Variants in ZFP57 observed in about 807,000 individuals in gnomAD.
ZFP57 encodes ZFP57 zinc finger protein.
A neutral mutation model predicts 15.8 loss-of-function variants in ZFP57; 12 were observed. The ratio of observed to expected loss-of-function variants is 0.76; its 90% CI spans 0.49 to 1.23. ZFP57 has a LOEUF of 1.23. Among genes scored for constraint, ZFP57 ranks in the 50% most tolerant of loss-of-function variants. The pLI is 0.00. For missense variants in ZFP57, 536 were observed against 654.9 expected (o/e 0.82, Z 1.98); for synonymous variants, 203 against 242.3 (o/e 0.84, Z 1.51).
In ZFP57 at chr6:29,677,229, G is replaced by C; in HGVS notation, c.-226C>G. 1.6e-6 allele frequency: 1 copy of C among 622,306 alleles called. No individual in the cohort carries two copies. Among genetic ancestry groups the C allele is most frequent in the Non-Finnish European group, 2.8e-6 (1 of 358,328 alleles). The allele number at this position is 622,306 out of a possible 1,614,324, so 38.5% of individuals were successfully genotyped here. On this transcript the variant is annotated 5_prime_UTR_variant, in exon 2 of 5. Coordinates refer to ENST00000376883, the MANE Select transcript of ZFP57 (RefSeq NM_001109809.5). The stretch of plus-strand genomic sequence containing the variant: ...CCAAATTCTCCTCTTCCACAATTGA[G>C]AACAATTTTGCTTCCCTCAAAGCTG...
intron 1 of ZFP57, among the ~76,000 whole-genome samples, chr6:29,678,805 G>A (rs769878512): frequency 6.6e-6 from 1 of 152,142 alleles, no homozygotes; most frequent in Non-Finnish European, 1.5e-5. Context: ...GGTGGGGCGC[G>A]GTGGATCACT....
chr6:29,676,859 C>T (rs1257318395), intron 2 of ZFP57, 22 bp downstream of exon 2: 40 of 1,613,870 alleles, frequency 2.5e-5, no homozygotes, highest in Non-Finnish European at 3.3e-5. Flanking sequence ...GACCCCACCT[C>T]TCTCTAGCTT....
intron 2 of ZFP57, among the ~76,000 whole-genome samples, chr6:29,676,334 G>A (rs1310307569): frequency 6.6e-6 from 1 of 151,912 alleles, no homozygotes; most frequent in Non-Finnish European, 1.5e-5. Context: ...TCGGGAGTTC[G>A]AGACCAGCCT....
chr6:29,677,114 G>A lies in ZFP57; in HGVS notation c.-111C>T. Reference sequence around the variant, plus strand: ...ACCTCCCAGTAACTGGGCAGATGGAGAGGCCCAGCAAAGGCCCCAGGGTTT... The same window carrying A: ...ACCTCCCAGTAACTGGGCAGATGGAAAGGCCCAGCAAAGGCCCCAGGGTTT... On this transcript the variant is annotated 5_prime_UTR_variant, in exon 2 of 5. Coordinates refer to ENST00000376883, the MANE Select transcript of ZFP57 (RefSeq NM_001109809.5). 1 of 1,522,804 alleles carries A rather than the reference G, an allele frequency of 6.6e-7. No homozygotes were observed. The highest frequency in any genetic ancestry group is 1.1e-5 in the South Asian group (1 of 89,164). The allele number at this position is 1,522,804 out of a possible 1,614,324, so 94.3% of individuals were successfully genotyped here. A position where few individuals can be genotyped will look rare whatever the true frequency, so the allele number is the denominator to read the frequency against.
rs778620158 is a variant in ZFP57 at position 29,673,185 on chromosome 6, G to A, written c.926C>T (p.Ala309Val). The part of the protein sequence containing the change: ...GTQAEFQTPI[A>V]RSQRSIQGLL... The stretch of plus-strand genomic sequence containing the variant: ...CCCCTGGATGGACCTCTGGCTTCTG[G>A]CGATGGGTGTCTGGAATTCAGCCTG... The change falls in exon 5 of 5, where the codon GCC becomes GTC. Residue 309 changes from alanine (A) to valine (V), a missense_variant. By Grantham distance (64) the Ala-to-Val change is moderately conservative. Transcript: ENST00000376883. This position sits in a 1 kb window ranked among gnomAD's most constrained non-coding sequence, Gnocchi z 4.7. 14 of 1,612,830 alleles carry A rather than the reference G, an allele frequency of 8.7e-6. No individual in the cohort carries two copies. Among genetic ancestry groups the A allele is most frequent in the Non-Finnish European group, 1.2e-5 (14 of 1,180,010 alleles).
At chr6:29,680,609 A>C (rs1772293138) in intron 1 of ZFP57, among the ~76,000 whole-genome samples, 1 of 152,034 alleles carries the variant, frequency 6.6e-6, no homozygotes, top group Non-Finnish European at 1.5e-5. Flanking sequence ...CTCCGCGCTT[A>C]GTTTGTCATT....
In ZFP57 at chr6:29,673,052, A is replaced by G. The variant is rs1771797336; in HGVS notation, c.1059T>C (p.Pro353=). The change falls in exon 5 of 5, where the codon CCT becomes CCC. Residue 353 remains proline (P), a synonymous_variant. Transcript: ENST00000376883. This position sits in a 1 kb window ranked among gnomAD's most constrained non-coding sequence, Gnocchi z 4.7. ...NQASVLKNQA[P]VTRTQAPITG... ...TGATGGGTGCCTGGGTCCTGGTCACAGGTGCTTGGTTCTTAAGTACAGATG... is the reference window on the plus strand; with the variant it reads ...TGATGGGTGCCTGGGTCCTGGTCACGGGTGCTTGGTTCTTAAGTACAGATG... 6.2e-7 allele frequency: 1 copy of G among 1,612,848 alleles called. No individual in the cohort carries two copies. Among genetic ancestry groups the G allele is most frequent in the South Asian group, 1.1e-5 (1 of 91,084 alleles).
Position 29,675,471 on chromosome 6 carries a change from A to T in ZFP57, c.267T>A (p.His89Gln). The change falls in exon 4 of 5, where the codon CAT (histidine) becomes CAA (glutamine). Residue 89 changes from histidine to glutamine, a missense_variant. His to Gln is a conservative substitution (Grantham distance 24, BLOSUM62 0). Transcript: ENST00000376883. ...CAAGCTTGGTGATTAGCTCTGGCTT[A>T]TGCAGAAAGATTCTGGCTGATGTGT... Reference protein sequence around the residue: ...NLTSVARIFLHKPELITKLEQ... With the variant: ...NLTSVARIFLQKPELITKLEQ... 1 of 1,614,104 alleles carries T rather than the reference A, an allele frequency of 6.2e-7. No homozygotes were observed. Among genetic ancestry groups the T allele is most frequent in the Non-Finnish European group, 8.5e-7 (1 of 1,179,986 alleles).
chr6:29,674,181 G>A (rs1219798163), intron 4 of ZFP57, among the ~76,000 whole-genome samples: 1 of 149,952 alleles, frequency 6.7e-6, no homozygotes, highest in Non-Finnish European at 1.5e-5. Flanking sequence ...AGAAGAAGAA[G>A]AAGGAAGAAG....
At chr6:29,675,243 C>A in intron 4 of ZFP57, 143 bp downstream of exon 4, 1 of 670,566 alleles carries the variant, frequency 1.5e-6, no homozygotes, top group Non-Finnish European at 2.8e-6. Flanking sequence ...ATTAAGCTCT[C>A]TTTCAACTCC....
Position 29,677,341 on chromosome 6 carries a change from G to T in ZFP57, c.-338C>A. On this transcript the variant is annotated 5_prime_UTR_variant, in exon 2 of 5. Transcript: ENST00000376883. The stretch of plus-strand genomic sequence containing the variant: ...CACCAGCCTGGGCTAGGTGTCTGCC[G>T]TCTGTTCTACCCTGCTTCTAGAAAC... The T allele has an allele frequency of 2.5e-6, 1 of 407,226 alleles. No individual in the cohort carries two copies. The highest frequency in any genetic ancestry group is 2.0e-5 in the African/African-American group (1 of 49,236). The allele number at this position is 407,226 out of a possible 1,614,324, so 25.2% of individuals were successfully genotyped here. A position where few individuals can be genotyped will look rare whatever the true frequency, so the allele number is the denominator to read the frequency against.
At chr6:29,675,699 A>T (rs17178140) in intron 3 of ZFP57, among the ~76,000 whole-genome samples, 312 of 152,292 alleles carry the variant, frequency 2.0e-3, no homozygotes, top group Admixed American at 4.8e-3. Context: ...GAATGGAAAA[A>T]TTTGCATATT....
At chr6:29,677,768 T>TACATACACAC (rs71550149) in intron 1 of ZFP57, among the ~76,000 whole-genome samples, 95 of 149,634 alleles carry the variant, frequency 6.3e-4, no homozygotes, top group African/African-American at 1.7e-3. Context: ...ACCAAAATTA[T>TACATACACAC]ACACACACAC....
intron 2 of ZFP57, among the ~76,000 whole-genome samples, chr6:29,676,576 T>C (rs974311879): frequency 7.4e-6 from 1 of 135,490 alleles, no homozygotes; most frequent in African/African-American, 2.7e-5. Flanking sequence ...AAAGGAAAGA[T>C]GAAGAGAAAG....
intron 2 of ZFP57, 41 bp from the exon 3 acceptor site, chr6:29,676,100 A>ATGTGTGTGTG (rs764770421): frequency 7.9e-7 from 1 of 1,258,756 alleles, no homozygotes; most frequent in Non-Finnish European, 1.1e-6. Context: ...ATATAAATAT[A>ATGTGTGTGTG]TATGTGTGTG....
chr6:29,673,218 G>A lies in ZFP57; in HGVS notation c.893C>T (p.Pro298Leu), dbSNP rs767837891. Residue 298 changes from proline (P) to leucine (L), a missense_variant, in exon 5 of 5, where the codon CCA (proline) becomes CTA (leucine). Pro to Leu is a moderately conservative substitution (Grantham distance 98). Coordinates refer to ENST00000376883, the MANE Select transcript of ZFP57 (RefSeq NM_001109809.5). This position sits in a 1 kb window ranked among gnomAD's most constrained non-coding sequence, Gnocchi z 4.7. The part of the protein sequence containing the change: ...DGNQECTLRI[P>L]GTQAEFQTPI... Reference sequence around the variant, plus strand: ...TGTCTGGAATTCAGCCTGGGTGCCTGGAATCCTCAAAGTACACTCCTGGTT... The same window carrying A: ...TGTCTGGAATTCAGCCTGGGTGCCTAGAATCCTCAAAGTACACTCCTGGTT... The A allele has an allele frequency of 2.5e-6, 4 of 1,612,902 alleles. No homozygotes were observed. The East Asian group carries it at 6.7e-5, about 27-fold the overall frequency.
rs1177745924 is a variant in ZFP57 at position 29,681,098 on chromosome 6, G to T, written c.-400C>A. On this transcript the variant is annotated 5_prime_UTR_variant, in exon 1 of 5. Transcript: ENST00000376883. ...AGTGGACCGCGATTTAGGGGCACAG[G>T]GTCTCCCGGGGACCAGCGGCTGGAG... The T allele has an allele frequency of 6.6e-6, 1 of 152,154 alleles. No individual in the cohort carries two copies. Among genetic ancestry groups the T allele is most frequent in the Non-Finnish European group, 1.5e-5 (1 of 68,104 alleles). The allele number at this position is 152,154 out of a possible 1,614,324, so 9.4% of individuals were successfully genotyped here. A position where few individuals can be genotyped will look rare whatever the true frequency, so the allele number is the denominator to read the frequency against.
chr6:29,672,980 C>T lies in ZFP57; in HGVS notation c.1131G>A (p.Lys377=). ...AACAGAAGACATTGAGTCTTGAGGG[C>T]TTCACTGGATGAGAGTTGGATCTGG... The part of the protein sequence containing the change: ...QDARSNSHPV[K]PSRLNVFCCP... The change falls in exon 5 of 5, where the codon AAG becomes AAA. Residue 377 remains lysine, a synonymous_variant. Coordinates refer to ENST00000376883, the MANE Select transcript of ZFP57 (RefSeq NM_001109809.5). 4 of 1,613,066 alleles carry T rather than the reference C, an allele frequency of 2.5e-6. No individual in the cohort carries two copies. Among genetic ancestry groups the T allele is most frequent in the Non-Finnish European group, 3.4e-6 (4 of 1,180,030 alleles).
chr6:29,675,173 A>AAAGAGAGAG (rs1772006570), intron 4 of ZFP57, among the ~76,000 whole-genome samples: 16 of 104,950 alleles, frequency 1.5e-4, no homozygotes, highest in African/African-American at 2.4e-4. Context: ...AAAAAAAAAA[A>AAAGAGAGAG]AGAGAGAGAG....
Sources: allele counts gnomAD v4.1 joint callset (sites outside exome capture counted in the v4.1 genomes callset), GRCh38; gene constraint gnomAD v4.1.1; non-coding constraint Gnocchi (gnomAD v3.1); transcripts MANE v1.5; gene names NCBI Gene and HGNC (gene_info 2026-07-23, HGNC 2026-07-21).